ELOVL7: variants seen among roughly 807,000 people sequenced by gnomAD.
ELOVL7 encodes the protein ELOVL fatty acid elongase 7.
A neutral mutation model predicts 35.7 loss-of-function variants in ELOVL7; 27 were observed. That is an observed-to-expected ratio of 0.76 (90% CI 0.56 to 1.04). ELOVL7 has a LOEUF of 1.04. Among genes scored for constraint, ELOVL7 ranks in the 50% least tolerant of loss-of-function variants. The pLI is 0.00. For missense variants in ELOVL7, 327 were observed against 340.8 expected, an observed-to-expected ratio of 0.96 and a Z score of 0.32; for synonymous variants, 113 against 114.6, an observed-to-expected ratio of 0.99 and a Z score of 0.09.
At chr5:60,821,307 A>C (rs1745873404) in intron 1 of ELOVL7, among the ~76,000 whole-genome samples, 1 of 152,168 alleles carries the variant, frequency 6.6e-6, no homozygotes, top group Non-Finnish European at 1.5e-5. Flanking sequence ...CCCAATTCCT[A>C]GGCAGGGTCT....
intron 1 of ELOVL7, among the ~76,000 whole-genome samples, chr5:60,835,420 A>G (rs960828969): frequency 1.7e-4 from 25 of 149,804 alleles, no homozygotes; most frequent in Non-Finnish European, 2.1e-4. Context: ...TTATTTTTGA[A>G]TTTTTTTTTT....
chr5:60,767,839 G>A lies in ELOVL7; in HGVS notation c.320C>T (p.Ser107Leu). 1 of 1,613,582 alleles carries A rather than the reference G, an allele frequency of 6.2e-7. No individual in the cohort carries two copies. Among genetic ancestry groups the A allele is most frequent in the South Asian group, 1.1e-5 (1 of 91,024 alleles). The change falls in exon 5 of 9, where the codon TCA becomes TTA. Residue 107 changes from serine to leucine, a missense_variant. Coordinates refer to ENST00000508821, the MANE Select transcript of ELOVL7 (RefSeq NM_024930.3). ...GAAACTTACCCTCAAAGCTGTGGGT[G>A]ACCGTGAATAGTCAACAATGTCACA... is the stretch of plus-strand genomic sequence containing the variant. ...FRCDIVDYSR[S>L]PTALRMARTC...
chr5:60,812,095 C>T (rs989719271), intron 1 of ELOVL7, among the ~76,000 whole-genome samples: 1 of 152,118 alleles, frequency 6.6e-6, no homozygotes, highest in Non-Finnish European at 1.5e-5. Context: ...TGGCACACAC[C>T]TGTTGTCCCA....
intron 1 of ELOVL7, among the ~76,000 whole-genome samples, chr5:60,832,873 G>A (rs563078357): frequency 2.0e-5 from 3 of 152,262 alleles, no homozygotes; most frequent in African/African-American, 7.2e-5. Flanking sequence ...AGGTAATTTA[G>A]TCACCTCTGC....
chr5:60,754,575 TGTCAA>T lies in ELOVL7; in HGVS notation c.*44_*48del. On this transcript the variant is annotated 3_prime_UTR_variant, in exon 9 of 9. Transcript: ENST00000508821. ...ACTGCATAGGTAAATATCTCTTGAT[TGTCAA>T]GGAAGACAATGTATCAGTTTCGATC... 1.6e-5 allele frequency: 24 copies of T among 1,522,574 alleles called. No homozygotes were observed. Among genetic ancestry groups the T allele is most frequent in the Non-Finnish European group, 2.1e-5 (23 of 1,098,732 alleles). The allele number at this position is 1,522,574 out of a possible 1,614,324, so 94.3% of individuals were successfully genotyped here.
rs187273216 is a variant in ELOVL7 at position 60,804,083 on chromosome 5, T to C, written c.-85-4853A>G. Among the ~76,000 whole-genome samples the C allele has an allele frequency of 2.0e-3, 302 of 152,332 alleles. 6 individuals are homozygous for C. The highest frequency in any genetic ancestry group is 0.015 in the East Asian group (77 of 5,184). ...GAGCAGAGGCAAACAAACTAGATGT[T>C]CACTCACCAACCTCAACATGTTAAC... On this transcript the variant is annotated intron_variant, in intron 1 of 8. Transcript: ENST00000508821.
chr5:60,801,015 T>C (rs1293174912), intron 1 of ELOVL7, among the ~76,000 whole-genome samples: 1 of 152,098 alleles, frequency 6.6e-6, no homozygotes, highest in Admixed American at 6.5e-5. Flanking sequence ...GCAGCCTTGA[T>C]CTCCTGGGCT....
chr5:60,831,534 A>G (rs1240315448), intron 1 of ELOVL7, among the ~76,000 whole-genome samples: 1 of 152,204 alleles, frequency 6.6e-6, no homozygotes, highest in Non-Finnish European at 1.5e-5. Flanking sequence ...TGTATACATC[A>G]TCAGGAGAAT....
chr5:60,804,252 TA>T (rs1370251402), intron 1 of ELOVL7, among the ~76,000 whole-genome samples: 2 of 152,210 alleles, frequency 1.3e-5, no homozygotes, highest in Non-Finnish European at 2.9e-5. Flanking sequence ...CTCTTATTGA[TA>T]ATAGAGGGCC....
At chr5:60,787,306 A>G (rs1488919670) in intron 3 of ELOVL7, 28 bp downstream of exon 3, 1 of 1,553,996 alleles carries the variant, frequency 6.4e-7, no homozygotes, top group Non-Finnish European at 8.8e-7. Flanking sequence ...GGAAGGATGA[A>G]CCTCAATTAG....
chr5:60,773,195 A>G (rs1199003021), intron 3 of ELOVL7, among the ~76,000 whole-genome samples: 1 of 152,210 alleles, frequency 6.6e-6, no homozygotes, highest in East Asian at 1.9e-4. Flanking sequence ...TCATGAAGCT[A>G]GAGTATTATG....
Position 60,767,674 on chromosome 5 carries a change from T to C in ELOVL7, c.336+149A>G, listed in dbSNP as rs1198521121. On this transcript the variant is annotated intron_variant, in intron 5 of 8. Transcript: ENST00000508821. Reference sequence around the variant, plus strand: ...AAATTATACATGTGATTTTTTTTATTCTTGTAATTGTTCACTTTCTCCACC... The same window carrying C: ...AAATTATACATGTGATTTTTTTTATCCTTGTAATTGTTCACTTTCTCCACC... The C allele has an allele frequency of 1.1e-5, 5 of 452,810 alleles. No homozygotes were observed. The Admixed American group carries it at 1.9e-4, about 17-fold the overall frequency. 28.0% of individuals were successfully genotyped at this position (452,810 alleles called of 1,614,324 possible).
intron 1 of ELOVL7, among the ~76,000 whole-genome samples, chr5:60,811,476 G>C (rs1257354076): frequency 6.6e-6 from 1 of 151,890 alleles, no homozygotes; most frequent in African/African-American, 2.4e-5. Context: ...TTCCTGAAAG[G>C]GGAAATGGAA....
rs754833025 is a variant in ELOVL7, at chr5:60,835,047, G to A, written c.-86+9113C>T. On this transcript the variant is annotated intron_variant, in intron 1 of 8. Coordinates refer to ENST00000508821, the MANE Select transcript of ELOVL7 (RefSeq NM_024930.3). ...CTCTACCAAAATACAAAAATTAGCCGGGCGTGGTGGCACACACCCGTAGTC... is the reference window on the plus strand; with the variant it reads ...CTCTACCAAAATACAAAAATTAGCCAGGCGTGGTGGCACACACCCGTAGTC... Among the ~76,000 whole-genome samples the A allele has an allele frequency of 1.3e-4, 20 of 151,502 alleles. 1 individual carries two copies. Among genetic ancestry groups the A allele is most frequent in the African/African-American group, 1.9e-4 (8 of 41,028 alleles).
intron 1 of ELOVL7, among the ~76,000 whole-genome samples, chr5:60,841,023 CTTTT>C (rs59046428): frequency 7.2e-5 from 9 of 125,360 alleles, no homozygotes; most frequent in East Asian, 2.2e-4. Flanking sequence ...AATTACTTTC[CTTTT>C]TTTTTTTTTT....
chr5:60,775,906 T>C (rs991111081), intron 3 of ELOVL7, among the ~76,000 whole-genome samples: 2 of 152,178 alleles, frequency 1.3e-5, no homozygotes, highest in African/African-American at 2.4e-5. Context: ...GGAAACACTC[T>C]TCTGGACACT....
At chr5:60,842,954 A>T (rs1053130235) in intron 1 of ELOVL7, among the ~76,000 whole-genome samples, 1 of 152,044 alleles carries the variant, frequency 6.6e-6, no homozygotes, top group African/African-American at 2.4e-5. Context: ...GGGGAGACCA[A>T]TTTCTGATCA....
At chr5:60,766,897 C>T (rs1742276687) in intron 5 of ELOVL7, among the ~76,000 whole-genome samples, 1 of 152,164 alleles carries the variant, frequency 6.6e-6, no homozygotes, top group Non-Finnish European at 1.5e-5. Flanking sequence ...ATTCTGCTTT[C>T]TGTGTCTATG....
At chr5:60,787,056 A>G (rs1743642488) in intron 3 of ELOVL7, among the ~76,000 whole-genome samples, 1 of 152,166 alleles carries the variant, frequency 6.6e-6, no homozygotes, top group Non-Finnish European at 1.5e-5. Flanking sequence ...ATCACTTTTA[A>G]TGGCTACTAA....
Sources: gnomAD v4.1 joint callset for allele counts (sites outside exome capture counted in the v4.1 genomes callset) on GRCh38, gnomAD v4.1.1 for gene constraint, MANE v1.5 for transcripts, NCBI Gene and HGNC (gene_info 2026-07-23, HGNC 2026-07-21) for gene names.